GPR143: variants seen among roughly 807,000 people sequenced by gnomAD.
GPR143 encodes the protein G protein-coupled receptor 143, also known as G-protein coupled receptor 143.
A neutral mutation model predicts 27.6 loss-of-function variants in GPR143; 8 were observed. That is an observed-to-expected ratio of 0.29 (90% CI 0.17 to 0.52). The LOEUF is 0.52. GPR143 is among the 20% of genes least tolerant of loss of function. The pLI, the probability that GPR143 is intolerant of heterozygous loss-of-function variation, is 0.96. For missense variants in GPR143, 303 were observed against 343.1 expected (o/e 0.88, Z 0.92); for synonymous variants, 156 against 153.2 (o/e 1.02, Z -0.13).
rs772202855 is a variant in GPR143 at position 9,765,554 on chromosome X, G to C, written c.250+14C>G. 3.6e-4 allele frequency: 390 copies of C among 1,082,327 alleles called. No homozygotes were observed. The highest frequency in any genetic ancestry group is 3.9e-4 in the Non-Finnish European group (326 of 833,624). 89.2% of individuals were successfully genotyped at this position (1,082,327 alleles called of 1,213,427 possible). ...CTGATCAGATTCCAACCCGCGGGCCGCGCGCGCCCTTACCCAGGCAGCCGA... is the reference window on the plus strand; with the variant it reads ...CTGATCAGATTCCAACCCGCGGGCCCCGCGCGCCCTTACCCAGGCAGCCGA... On this transcript the variant is annotated intron_variant, in intron 1 of 8. Coordinates refer to ENST00000467482, the MANE Select transcript of GPR143 (RefSeq NM_000273.3).
At chrX:9,733,827 A>G (rs781051540) in intron 8 of GPR143, among the ~76,000 whole-genome samples, 1 of 111,410 alleles carries the variant, frequency 9.0e-6, no homozygotes, top group East Asian at 2.8e-4. Flanking sequence ...CACGCCTGTA[A>G]TCCCAACACT....
intron 1 of GPR143, among the ~76,000 whole-genome samples, chrX:9,778,600 CTG>C (rs1187456781): frequency 9.3e-6 from 1 of 107,536 alleles, no homozygotes; most frequent in Non-Finnish European, 1.9e-5. Flanking sequence ...CATCTTGAGC[CTG>C]GGAGACTGAG....
upstream of GPR143, among the ~76,000 whole-genome samples, chrX:9,768,980 A>T (rs1292953355): frequency 8.9e-6 from 1 of 111,743 alleles, no homozygotes; most frequent in Non-Finnish European, 1.9e-5. Context: ...GCCTGGCCTG[A>T]CAAAACTTTT....
chrX:9,759,344 G>C lies in GPR143; in HGVS notation c.443C>G (p.Ser148Trp). 8.5e-7 allele frequency: 1 copy of C among 1,177,305 alleles called. No homozygotes were observed. The highest frequency in any genetic ancestry group is 1.2e-6 in the Non-Finnish European group (1 of 867,891). Residue 148 changes from serine (S) to tryptophan (W), a missense_variant, in exon 3 of 9, where the codon TCG becomes TGG. Ser to Trp is a radical substitution (Grantham distance 177). Coordinates refer to ENST00000467482, the MANE Select transcript of GPR143 (RefSeq NM_000273.3). ...CCTCGGTGAATACCTCAGTCCTGCC[G>C]ATCTCCGGATCACCAGATAAGCATC... ...AVDAYLVIRRSAGLSTILLYH... is the reference protein window; with the variant it reads ...AVDAYLVIRRWAGLSTILLYH...
chrX:9,744,726 G>A (rs374543187), intron 5 of GPR143, among the ~76,000 whole-genome samples: 30 of 111,814 alleles, frequency 2.7e-4, no homozygotes, highest in South Asian at 1.9e-3. Context: ...AATAGTGCAC[G>A]CTTGTTAAAA....
Position 9,763,102 on chromosome X carries a change from G to GT in GPR143, c.251-2277dup, listed in dbSNP as rs1369050194. On this transcript the variant is annotated intron_variant, in intron 1 of 8. Transcript: ENST00000467482. ...CACCATGACGGGCCTTTTTTTTGTTGTTTTTTTTTTCTTGGGGGTAGAGCC... is the reference window on the plus strand; with the variant it reads ...CACCATGACGGGCCTTTTTTTTGTTGTTTTTTTTTTTCTTGGGGGTAGAGCC... 2.4e-3 allele frequency among the ~76,000 whole-genome samples: 253 copies of GT among 104,669 alleles called. 1 individual carries two copies. Among genetic ancestry groups the GT allele is most frequent in the Middle Eastern group, 4.8e-3 (1 of 209 alleles). The allele number at this position is 104,669 out of a possible 115,157, so 90.9% of individuals were successfully genotyped here.
Position 9,725,739 on chromosome X carries a change from A to C in GPR143, c.*7T>G. 8.5e-7 allele frequency: 1 copy of C among 1,171,521 alleles called. No homozygotes were observed. The highest frequency in any genetic ancestry group is 3.0e-5 in the East Asian group (1 of 33,681). ...AATATGGGGTCTGGACCCCCAGCAC[A>C]TCCCCTTCATAGGTCTCCATGGGTT... On this transcript the variant is annotated 3_prime_UTR_variant, in exon 9 of 9. Transcript: ENST00000467482.
At chrX:9,750,870 TCTG>T (rs1432310119) in intron 3 of GPR143, among the ~76,000 whole-genome samples, 1 of 112,660 alleles carries the variant, frequency 8.9e-6, no homozygotes, top group East Asian at 2.8e-4. Flanking sequence ...GCCATACATT[TCTG>T]CTATTTATAA....
upstream of GPR143, among the ~76,000 whole-genome samples, chrX:9,769,573 T>C (rs1268438729): frequency 8.9e-6 from 1 of 112,065 alleles, no homozygotes; most frequent in African/African-American, 3.2e-5. Context: ...ATTTAAATAA[T>C]AAATAAGATT....
rs1051276986 is a variant in GPR143 at position 9,738,420 on chromosome X, C to T, written c.1120+1065G>A. ...TGCTTCGTGAACTATTTGTACCAGA[C>T]GGAAAGTCTGTAAATAAATCTTCTC... On this transcript the variant is annotated intron_variant, in intron 8 of 8. Coordinates refer to ENST00000467482, the MANE Select transcript of GPR143 (RefSeq NM_000273.3). The T allele has an allele frequency of 1.7e-4, 129 of 748,050 alleles. No homozygotes were observed. The African/African-American group carries it at 2.7e-3, about 16-fold the overall frequency. The allele number at this position is 748,050 out of a possible 1,213,427, so 61.6% of individuals were successfully genotyped here. A position where few individuals can be genotyped will look rare whatever the true frequency, so the allele number is the denominator to read the frequency against.
chrX:9,776,290 C>G (rs1422604045), intron 1 of GPR143, among the ~76,000 whole-genome samples: 4 of 112,531 alleles, frequency 3.6e-5, no homozygotes, highest in Non-Finnish European at 7.5e-5. Flanking sequence ...AGTGCAGTGG[C>G]CCTTTACCCC....
In GPR143 at chrX:9,738,636, G is replaced by GT. The variant is rs200069871; in HGVS notation, c.1120+848dup. 7.9e-3 allele frequency: 2,982 copies of GT among 375,405 alleles called. 88 individuals carry two copies. The highest frequency in any genetic ancestry group is 0.073 in the African/African-American group (2,601 of 35,625). The allele number at this position is 375,405 out of a possible 1,213,427, so 30.9% of individuals were successfully genotyped here. A position where few individuals can be genotyped will look rare whatever the true frequency, so the allele number is the denominator to read the frequency against. ...ATTTGTTTGTTTTTGTTTTTGTTTT[G>GT]TTTTTTAGACGGGGCTTCACTCTTG... On this transcript the variant is annotated intron_variant, in intron 8 of 8. Coordinates refer to ENST00000467482, the MANE Select transcript of GPR143 (RefSeq NM_000273.3).
Position 9,765,624 on chromosome X carries a change from G to T in GPR143, c.194C>A (p.Pro65Gln). ...AGCGCGCAGGATGCGGACCGAGGCC[G>T]GCGGGGACGTCGCGGGGGACCCGGG... ...AGPGSPATSP[P>Q]ASVRILRAAA... The change falls in exon 1 of 9, where the codon CCG becomes CAG. Residue 65 changes from proline (P) to glutamine (Q), a missense_variant. Physicochemically the swap from Pro to Gln is moderately conservative, Grantham distance 76 (BLOSUM62 -1). Transcript: ENST00000467482. 1.0e-6 allele frequency: 1 copy of T among 992,384 alleles called. No individual in the cohort carries two copies. Among genetic ancestry groups the T allele is most frequent in the Non-Finnish European group, 1.3e-6 (1 of 790,268 alleles). 81.8% of individuals were successfully genotyped at this position (992,384 alleles called of 1,213,427 possible).
At chrX:9,745,303 C>T (rs1053444565) in intron 5 of GPR143, among the ~76,000 whole-genome samples, 7 of 112,298 alleles carry the variant, frequency 6.2e-5, no homozygotes, top group African/African-American at 2.3e-4. Context: ...CGAAGAATCA[C>T]AATAATTTCC....
At chrX:9,766,903 T>TCACACACACA (rs58553907), upstream of GPR143, among the ~76,000 whole-genome samples, 6 of 86,895 alleles carry the variant, frequency 6.9e-5, no homozygotes, top group African/African-American at 8.9e-5. Context: ...TCTCTCTCTC[T>TCACACACACA]CACACACACA....
At chrX:9,733,202 G>A (rs937969234) in intron 8 of GPR143, among the ~76,000 whole-genome samples, 4 of 111,614 alleles carry the variant, frequency 3.6e-5, no homozygotes, top group African/African-American at 1.3e-4. Context: ...GGAGACGCAA[G>A]GTATTATGGG....
At chrX:9,761,825 G>A (rs767618160) in intron 1 of GPR143, among the ~76,000 whole-genome samples, 7 of 112,851 alleles carry the variant, frequency 6.2e-5, no homozygotes, top group East Asian at 2.8e-4. Context: ...GGGTCTGAGC[G>A]CGGTGCTCAC....
At chrX:9,766,903 TCACACACACACACA>T (rs58553907), upstream of GPR143, among the ~76,000 whole-genome samples, 11 of 86,914 alleles carry the variant, frequency 1.3e-4, no homozygotes, top group South Asian at 1.3e-3. Context: ...TCTCTCTCTC[TCACACACACACACA>T]CACACACACA....
At chrX:9,742,459 A>T (rs748352351) in intron 6 of GPR143, among the ~76,000 whole-genome samples, 8 of 110,842 alleles carry the variant, frequency 7.2e-5, no homozygotes, top group Non-Finnish European at 1.3e-4. Flanking sequence ...ATCGCCCAGG[A>T]TGGTTTTGAA....
Sources: gnomAD v4.1 joint callset for allele counts (sites outside exome capture counted in the v4.1 genomes callset) on GRCh38, gnomAD v4.1.1 for gene constraint, MANE v1.5 for transcripts, NCBI Gene and HGNC (gene_info 2026-07-23, HGNC 2026-07-21) for gene names.